Variants in TBKBP1 observed in about 807,000 individuals in gnomAD.
TBKBP1 encodes the protein TANK-binding kinase 1-binding protein 1.
TBKBP1 carries 47 observed loss-of-function variants against 69.9 expected under a neutral mutation model. That is an observed-to-expected ratio of 0.67 (90% CI 0.53 to 0.86). The LOEUF (loss-of-function observed/expected upper bound fraction) is 0.86. Ranked by LOEUF, TBKBP1 falls within the 40% of genes least tolerant of loss-of-function variation. The pLI is 0.00. For synonymous variants in TBKBP1, 418 were observed against 390.3 expected, an observed-to-expected ratio of 1.07 and a Z score of -0.84; for missense variants, 831 against 858.6, an observed-to-expected ratio of 0.97 and a Z score of 0.40.
At chr17:47,696,639 G>A in intron 2 of TBKBP1, 72 bp from the exon 3 acceptor site, 1 of 1,607,518 alleles carries the variant, frequency 6.2e-7, no homozygotes, top group Non-Finnish European at 8.5e-7. Context: ...TGTGGGTTGG[G>A]GGCACAGCCA....
At position 47,709,139 on chromosome 17, in the gene TBKBP1, C is replaced by G. The variant is rs768239930; in HGVS notation, c.1406C>G (p.Ala469Gly). 1 of 1,389,988 alleles carries G rather than the reference C, an allele frequency of 7.2e-7. No individual in the cohort carries two copies. The highest frequency in any genetic ancestry group is 9.2e-7 in the Non-Finnish European group (1 of 1,081,562). The allele number at this position is 1,389,988 out of a possible 1,614,324, so 86.1% of individuals were successfully genotyped here. Residue 469 changes from alanine to glycine, a missense_variant, in exon 9 of 10, where the codon GCG becomes GGG. Transcript: ENST00000578982. ...RRSYSELAEG[A>G]AYAGASPPWL... ...AGCTACTCTGAGCTGGCGGAGGGCG[C>G]GGCCTACGCGGGCGCCTCCCCGCCC...
At chr17:47,702,294 G>C (rs1049667335) in intron 7 of TBKBP1, among the ~76,000 whole-genome samples, 5 of 152,076 alleles carry the variant, frequency 3.3e-5, no homozygotes, top group African/African-American at 1.2e-4. Context: ...TGAGTGTCGA[G>C]GCTGGATGAC....
intron 7 of TBKBP1, among the ~76,000 whole-genome samples, chr17:47,707,885 G>A (rs930730518): frequency 3.3e-5 from 5 of 152,224 alleles, no homozygotes; most frequent in African/African-American, 1.2e-4. Flanking sequence ...CAAAGGTGAG[G>A]ACTCTTCATG....
At position 47,711,195 on chromosome 17, in the gene TBKBP1, C is replaced by T. The variant is rs2031911522; in HGVS notation, c.*569C>T. The T allele has an allele frequency of 6.5e-6, 1 of 153,180 alleles. No homozygotes were observed. The highest frequency in any genetic ancestry group is 1.5e-5 in the Non-Finnish European group (1 of 68,684). 9.5% of individuals were successfully genotyped at this position (153,180 alleles called of 1,614,324 possible). A position where few individuals can be genotyped will look rare whatever the true frequency, so the allele number is the denominator to read the frequency against. ...GAGGCATCTTGTTTCTTGTGGTTCC[C>T]TGCAGGCCAGTCCTGTCCTCCTTTC... On this transcript the variant is annotated 3_prime_UTR_variant, in exon 10 of 10. Transcript: ENST00000578982.
At position 47,697,111 on chromosome 17, in the gene TBKBP1, A is replaced by G; in HGVS notation, c.371A>G (p.Glu124Gly). Residue 124 changes from glutamate to glycine, a missense_variant, in exon 4 of 10, where the codon GAA (glutamate) becomes GGA (glycine). Transcript: ENST00000578982. ...CAGTTACAGAAGAACAAGGAGCAGG[A>G]AGAACAGCTTGGAGAGATGATCCAG... Reference protein sequence around the residue: ...QHELQKNKEQEEQLGEMIQAY... With the variant: ...QHELQKNKEQGEQLGEMIQAY... The G allele has an allele frequency of 6.2e-7, 1 of 1,612,504 alleles. No individual in the cohort carries two copies. Among genetic ancestry groups the G allele is most frequent in the Non-Finnish European group, 8.5e-7 (1 of 1,179,280 alleles).
rs1031385673 is a variant in TBKBP1, at chr17:47,709,277, G to A, written c.1544G>A (p.Arg515His). ...CGCGCCTTCGAGGGCATCCGGCTGC[G>A]CTTCGAGAAGCAGCCGTCGGAGGAG... ...PRRAFEGIRL[R>H]FEKQPSEEDE... is the part of the protein sequence containing the mutation. Residue 515 changes from arginine (R) to histidine (H), a missense_variant, in exon 9 of 10, where the codon CGC (arginine) becomes CAC (histidine). Arg to His is a conservative substitution (Grantham distance 29). Transcript: ENST00000578982. The A allele has an allele frequency of 1.2e-5, 19 of 1,524,096 alleles. No homozygotes were observed. In the East Asian group the frequency reaches 3.3e-4, roughly 27 times the overall value. 94.4% of individuals were successfully genotyped at this position (1,524,096 alleles called of 1,614,324 possible).
At chr17:47,709,617 C>A (rs966003769) in intron 9 of TBKBP1, among the ~76,000 whole-genome samples, 165 bp downstream of exon 9, 1 of 152,280 alleles carries the variant, frequency 6.6e-6, no homozygotes, top group African/African-American at 2.4e-5. Flanking sequence ...ACCTCCCTTT[C>A]CCGTGGTCTT....
intron 7 of TBKBP1, among the ~76,000 whole-genome samples, chr17:47,700,301 T>TTTTTTTTTTTTTTTTTTA: frequency 9.5e-6 from 1 of 104,880 alleles, no homozygotes; most frequent in East Asian, 2.6e-4. Context: ...TTTTTTTTTT[T>TTTTTTTTTTTTTTTTTTA]TTTTTTTTTT....
chr17:47,706,364 C>T (rs1390407776), intron 7 of TBKBP1, among the ~76,000 whole-genome samples: 1 of 152,106 alleles, frequency 6.6e-6, no homozygotes, highest in African/African-American at 2.4e-5. Context: ...GGGGAGTCCC[C>T]AATTTGACGT....
rs554119511 is a variant in TBKBP1 at position 47,698,666 on chromosome 17, C to T, written c.525C>T (p.Leu175=). The stretch of plus-strand genomic sequence containing the variant: ...AGCAGCTGCGGCAACAGCAAGGCCT[C>T]CAGGATGCAGCCTTCTCCAACCTGA... ...LEQQLRQQQG[L]QDAAFSNLSP... Residue 175 remains leucine, a synonymous_variant, in exon 5 of 10, where the codon CTC becomes CTT. Coordinates refer to ENST00000578982, the MANE Select transcript of TBKBP1 (RefSeq NM_001394755.1). The T allele has an allele frequency of 1.2e-6, 2 of 1,603,702 alleles. No homozygotes were observed. Among genetic ancestry groups the T allele is most frequent in the South Asian group, 2.2e-5 (2 of 89,062 alleles).
At chr17:47,697,915 C>G (rs567532935) in intron 4 of TBKBP1, among the ~76,000 whole-genome samples, 47 of 146,136 alleles carry the variant, frequency 3.2e-4, no homozygotes, top group African/African-American at 1.2e-3. Flanking sequence ...AGCCACTGCA[C>G]TCCAGCCTGG....
At chr17:47,698,964 T>G (rs9913503) in intron 5 of TBKBP1, among the ~76,000 whole-genome samples, 189 bp downstream of exon 5, 98,504 of 151,754 alleles carry the variant, frequency 0.65, 33,176 homozygotes, top group African/African-American at 0.83. Context: ...TCTAACTCGG[T>G]CATTCCTGAT....
chr17:47,696,258 G>A lies in TBKBP1; in HGVS notation c.146G>A (p.Gly49Glu). The change falls in exon 2 of 10, where the codon GGA becomes GAA. Residue 49 changes from glycine (G) to glutamate (E), a missense_variant. Transcript: ENST00000578982. ...ASHFALITAY[G>E]DIKERLGGLE... is the part of the protein sequence containing the mutation. ...CACTTTGCCCTCATCACTGCTTACG[G>A]AGACATCAAGGAACGGCTGGGGGGC... 2 of 1,613,714 alleles carry A rather than the reference G, an allele frequency of 1.2e-6. No individual in the cohort carries two copies. Among genetic ancestry groups the A allele is most frequent in the South Asian group, 2.2e-5 (2 of 91,088 alleles).
At chr17:47,699,293 G>A (rs756299652) in intron 5 of TBKBP1, 27 bp from the exon 6 acceptor site, 35 of 1,493,818 alleles carry the variant, frequency 2.3e-5, no homozygotes, top group Non-Finnish European at 2.8e-5. Flanking sequence ...AGCTGAGCTC[G>A]CCTGACGTTG....
Position 47,696,184 on chromosome 17 carries a change from G to A in TBKBP1, c.72G>A (p.Leu24=). ...CCCTGGGGCCTAGTGAGGTGTGGCTGGACAGTCCCGGAGACCCCTCGCTTG... is the reference window on the plus strand; with the variant it reads ...CCCTGGGGCCTAGTGAGGTGTGGCTAGACAGTCCCGGAGACCCCTCGCTTG... ...QEALGPSEVW[L]DSPGDPSLGG... Residue 24 remains leucine, a synonymous_variant, in exon 2 of 10, where the codon CTG becomes CTA. Coordinates refer to ENST00000578982, the MANE Select transcript of TBKBP1 (RefSeq NM_001394755.1). 1 of 1,613,712 alleles carries A rather than the reference G, an allele frequency of 6.2e-7. No individual in the cohort carries two copies. Among genetic ancestry groups the A allele is most frequent in the Non-Finnish European group, 8.5e-7 (1 of 1,179,854 alleles).
At position 47,710,626 on chromosome 17, in the gene TBKBP1, G is replaced by C; in HGVS notation, c.1848G>C (p.Ter616TyrextTer231). ...CCCACCTGGAGAACAGCAAGATCTA[G>C]GGCACCAGCCCCACCCACTGGCTGT... ...IDSHLENSKI[*>Y] The change falls in exon 10 of 10, where the codon TAG becomes TAC. Residue 616 changes from the stop codon to tyrosine, a stop_lost. Transcript: ENST00000578982. 2 of 1,599,252 alleles carry C rather than the reference G, an allele frequency of 1.3e-6. No homozygotes were observed. Among genetic ancestry groups the C allele is most frequent in the Non-Finnish European group, 1.7e-6 (2 of 1,168,124 alleles).
Position 47,710,770 on chromosome 17 carries a change from G to A in TBKBP1, c.*144G>A, listed in dbSNP as rs531292016. On this transcript the variant is annotated 3_prime_UTR_variant, in exon 10 of 10. Coordinates refer to ENST00000578982, the MANE Select transcript of TBKBP1 (RefSeq NM_001394755.1). ...CACTTGCTACCGAGTCAACGTGTGT[G>A]CCATCTTCCCTGGTCCAGGCACCAC... 3.6e-5 allele frequency: 44 copies of A among 1,233,698 alleles called. 2 individuals are homozygous for A. In the South Asian group the frequency reaches 5.5e-4, roughly 16 times the overall value. The allele number at this position is 1,233,698 out of a possible 1,614,324, so 76.4% of individuals were successfully genotyped here. A position where few individuals can be genotyped will look rare whatever the true frequency, so the allele number is the denominator to read the frequency against.
At chr17:47,698,370 T>C (rs2031334469) in intron 4 of TBKBP1, among the ~76,000 whole-genome samples, 1 of 152,196 alleles carries the variant, frequency 6.6e-6, no homozygotes, top group African/African-American at 2.4e-5. Flanking sequence ...TAAGTGTCCC[T>C]GTGTGTTAAT....
At position 47,709,407 on chromosome 17, in the gene TBKBP1, C is replaced by T. The variant is rs1172237799; in HGVS notation, c.1674C>T (p.Thr558=). The T allele has an allele frequency of 3.8e-5, 58 of 1,539,156 alleles. No homozygotes were observed. Among genetic ancestry groups the T allele is most frequent in the Non-Finnish European group, 2.6e-6 (3 of 1,150,762 alleles). Residue 558 remains threonine, a synonymous_variant, in exon 9 of 10, where the codon ACC becomes ACT. Coordinates refer to ENST00000578982, the MANE Select transcript of TBKBP1 (RefSeq NM_001394755.1). ...CCATCCCCGAGTCGCCCGCCGCCAC[C>T]GCCTACGCCCACGCCGAGCACGCGC... ...GFPIPESPAA[T]AYAHAEHAQS... is the part of the protein sequence containing the mutation.
Sources: gnomAD v4.1 joint callset for allele counts (sites outside exome capture counted in the v4.1 genomes callset) on GRCh38, gnomAD v4.1.1 for gene constraint, MANE v1.5 for transcripts, NCBI Gene and HGNC (gene_info 2026-07-23, HGNC 2026-07-21) for gene names.